TET2: variants seen among roughly 807,000 people sequenced by gnomAD.
TET2 encodes the protein tet methylcytosine dioxygenase 2, also known as methylcytosine dioxygenase TET2.
A neutral mutation model predicts 142.9 loss-of-function variants in TET2; 299 were observed. That is an observed-to-expected ratio of 2.09 (90% CI 1.90 to 2.30). The LOEUF is 2.30. TET2 is among the 30% of genes most tolerant of loss of function. TET2 has a pLI of 0.00. For missense variants in TET2, 2,418 were observed against 2,378.0 expected, an observed-to-expected ratio of 1.02 and a Z score of -0.35; for synonymous variants, 819 against 849.0, an observed-to-expected ratio of 0.96 and a Z score of 0.61.
chr4:105,173,227 A>C (rs1048667067), intron 1 of TET2, among the ~76,000 whole-genome samples: 1 of 152,212 alleles, frequency 6.6e-6, no homozygotes, highest in Non-Finnish European at 1.5e-5. Flanking sequence ...GATAAGTTCC[A>C]ACTCAATCTT....
chr4:105,249,443 G>A (rs1159426345), intron 6 of TET2, among the ~76,000 whole-genome samples: 6 of 152,190 alleles, frequency 3.9e-5, no homozygotes, highest in Non-Finnish European at 4.4e-5. Context: ...CATGTTTTCA[G>A]TTACCTTGGG....
intron 2 of TET2, among the ~76,000 whole-genome samples, chr4:105,220,394 A>G (rs1254046016): frequency 6.6e-6 from 1 of 152,056 alleles, no homozygotes; most frequent in Non-Finnish European, 1.5e-5. Context: ...TATTAGAACA[A>G]TTTTATTTGT....
At chr4:105,172,092 G>T (rs910372281) in intron 1 of TET2, among the ~76,000 whole-genome samples, 17 of 152,134 alleles carry the variant, frequency 1.1e-4, no homozygotes, top group Admixed American at 4.6e-4. Flanking sequence ...ACTGAACTTT[G>T]AGCTCAGCAA....
chr4:105,200,749 A>G (rs1330251866), intron 2 of TET2, among the ~76,000 whole-genome samples: 9 of 151,848 alleles, frequency 5.9e-5, no homozygotes, highest in Non-Finnish European at 1.0e-4. Flanking sequence ...CAACCTCCAC[A>G]TTCCGGGTTC....
At chr4:105,193,000 C>A (rs190557818) in intron 2 of TET2, among the ~76,000 whole-genome samples, 1 of 152,102 alleles carries the variant, frequency 6.6e-6, no homozygotes, top group Non-Finnish European at 1.5e-5. Context: ...AGGTTTTATG[C>A]AGAGTGATTT....
chr4:105,275,420 T>A lies in TET2; in HGVS notation c.4910T>A (p.Leu1637Gln). The A allele has an allele frequency of 6.4e-7, 1 of 1,551,654 alleles. No individual in the cohort carries two copies. The highest frequency in any genetic ancestry group is 1.2e-5 in the South Asian group (1 of 84,064). The change falls in exon 11 of 11, where the codon CTA becomes CAA. Residue 1637 changes from leucine (L) to glutamine (Q), a missense_variant. By Grantham distance (113) the Leu-to-Gln change is moderately radical. Transcript: ENST00000380013. ...QYPSYQCNGN[L>Q]SVDNCSPYLG... The stretch of plus-strand genomic sequence containing the variant: ...CCATCATATCAATGCAATGGAAACC[T>A]ATCAGTGGACAACTGCTCCCCATAT...
At chr4:105,214,360 G>A (rs570047118) in intron 2 of TET2, among the ~76,000 whole-genome samples, 1 of 143,494 alleles carries the variant, frequency 7.0e-6, no homozygotes, top group African/African-American at 2.6e-5. Flanking sequence ...AGGCTGGAGT[G>A]CAGTGGTGTG....
At chr4:105,163,844 AGAGAGAGAGAGTGTGTGTGTGTGTGT>A (rs1194649468) in intron 1 of TET2, among the ~76,000 whole-genome samples, 2 of 118,520 alleles carry the variant, frequency 1.7e-5, no homozygotes, top group Admixed American at 8.4e-5. Context: ...AGAGAGAGAG[AGAGAGAGAGAGTGTGTGTGTGTGTGT>A]GTGTGTGTGT....
At chr4:105,240,716 A>G (rs1729247936) in intron 3 of TET2, 2 of 1,080,088 alleles carry the variant, frequency 1.9e-6, no homozygotes, top group Non-Finnish European at 2.3e-6. Flanking sequence ...CCACTTTTCC[A>G]TCTTTGTTGG....
At chr4:105,220,584 ACT>A (rs1727756163) in intron 2 of TET2, among the ~76,000 whole-genome samples, 6 of 152,066 alleles carry the variant, frequency 3.9e-5, no homozygotes, top group Admixed American at 3.9e-4. Flanking sequence ...ATTGGGCAGG[ACT>A]GAGGAAGGAT....
At chr4:105,155,896 T>C (rs923408104) in intron 1 of TET2, among the ~76,000 whole-genome samples, 2 of 152,232 alleles carry the variant, frequency 1.3e-5, no homozygotes, top group Non-Finnish European at 2.9e-5. Context: ...TTGTTGAGTA[T>C]GTTTGACAAG....
chr4:105,182,017 G>A (rs568313777), intron 1 of TET2, among the ~76,000 whole-genome samples: 2 of 151,512 alleles, frequency 1.3e-5, no homozygotes, highest in East Asian at 1.9e-4. Context: ...TGTATAATTC[G>A]AAAACATTTT....
rs1447389036 is a variant in TET2, at chr4:105,278,000, G to T, written c.*1481G>T. The T allele has an allele frequency of 4.7e-6, 1 of 214,730 alleles. No homozygotes were observed. The highest frequency in any genetic ancestry group is 9.4e-6 in the Non-Finnish European group (1 of 106,632). The allele number at this position is 214,730 out of a possible 1,614,324, so 13.3% of individuals were successfully genotyped here. On this transcript the variant is annotated 3_prime_UTR_variant, in exon 11 of 11. Transcript: ENST00000380013. ...TGAATAAACAGGGTTAGTTCCATGT[G>T]AATCTGTCAGTTAAAAAGAAACAAA...
Position 105,235,505 on chromosome 4 carries a change from C to G in TET2, c.1563C>G (p.Ser521Arg). The change falls in exon 3 of 11, where the codon AGC (serine) becomes AGG (arginine). Residue 521 changes from serine to arginine, a missense_variant. Ser to Arg is a moderately radical substitution (Grantham distance 110). Transcript: ENST00000380013. ...AGCATAACCCACCAATTTTTGGTAG[C>G]AGTGGAGAGCTACAGGACAACTGCC... ...HLKHNPPIFGSSGELQDNCQQ... is the reference protein window; with the variant it reads ...HLKHNPPIFGRSGELQDNCQQ... 6.2e-7 allele frequency: 1 copy of G among 1,614,132 alleles called. No individual in the cohort carries two copies. Among genetic ancestry groups the G allele is most frequent in the Non-Finnish European group, 8.5e-7 (1 of 1,180,018 alleles).
chr4:105,264,959 TC>T (rs1261086740), intron 8 of TET2, among the ~76,000 whole-genome samples: 1 of 152,214 alleles, frequency 6.6e-6, no homozygotes, highest in African/African-American at 2.4e-5. Flanking sequence ...CTCCACAGCA[TC>T]TCTTCTGTCA....
intron 8 of TET2, among the ~76,000 whole-genome samples, chr4:105,267,658 A>G (rs1283317035): frequency 1.3e-5 from 2 of 151,902 alleles, no homozygotes; most frequent in African/African-American, 4.8e-5. Flanking sequence ...AAATAAAACA[A>G]ATAGCAAGAT....
In TET2 at chr4:105,272,562, A is replaced by G. The variant is rs1731015554; in HGVS notation, c.4183-2A>G. The G allele has an allele frequency of 2.7e-6, 4 of 1,501,508 alleles. No homozygotes were observed. Among genetic ancestry groups the G allele is most frequent in the Non-Finnish European group, 8.9e-7 (1 of 1,124,464 alleles). The allele number at this position is 1,501,508 out of a possible 1,614,324, so 93.0% of individuals were successfully genotyped here. ...GGCTGTAATGTCTTACTTCCCTACC[A>G]GGTATGCACTCTCACTAGAGAAGAC... On this transcript the variant is annotated splice_acceptor_variant, in intron 9 of 10. Transcript: ENST00000380013. LOFTEE classifies it high-confidence loss of function.
chr4:105,233,967 G>A lies in TET2; in HGVS notation c.25G>A (p.Val9Ile), dbSNP rs1322914073. MEQDRTNH[V>I]EGNRLSPFLI... is the part of the protein sequence containing the mutation. ...GATGGAACAGGATAGAACCAACCAT[G>A]TTGAGGGCAACAGACTAAGTCCATT... is the stretch of plus-strand genomic sequence containing the variant. Residue 9 changes from valine to isoleucine, a missense_variant, in exon 3 of 11, where the codon GTT becomes ATT. Physicochemically the swap from Val to Ile is conservative, Grantham distance 29. Transcript: ENST00000380013. 3.7e-6 allele frequency: 6 copies of A among 1,613,882 alleles called. No individual in the cohort carries two copies. The African/African-American group carries it at 6.7e-5, about 18-fold the overall frequency.
At position 105,236,180 on chromosome 4, in the gene TET2, AAAATTAC is replaced by A; in HGVS notation, c.2243_2249del (p.Leu748Ter). The stretch of plus-strand genomic sequence containing the variant: ...TCCCTCAAAACCAGCAACAGCAGCA[AAAATTAC>A]AAATAAAGAATAAAGAGGAAATACT... On this transcript the variant is annotated frameshift_variant, in exon 3 of 11. Coordinates refer to ENST00000380013, the MANE Select transcript of TET2 (RefSeq NM_001127208.3). LOFTEE classifies it high-confidence loss of function. The A allele has an allele frequency of 6.2e-7, 1 of 1,614,142 alleles. No homozygotes were observed. The highest frequency in any genetic ancestry group is 8.5e-7 in the Non-Finnish European group (1 of 1,180,012).
Sources: gnomAD v4.1 joint callset for allele counts (sites outside exome capture counted in the v4.1 genomes callset) on GRCh38, gnomAD v4.1.1 for gene constraint, MANE v1.5 for transcripts, NCBI Gene and HGNC (gene_info 2026-07-23, HGNC 2026-07-21) for gene names.